Variants in ARHGAP6 observed in about 807,000 individuals in gnomAD.
The protein encoded by ARHGAP6 is rho GTPase-activating protein 6.
A neutral mutation model predicts 55.7 loss-of-function variants in ARHGAP6; 16 were observed. The ratio of observed to expected loss-of-function variants is 0.29; its 90% confidence interval spans 0.19 to 0.44. The LOEUF (loss-of-function observed/expected upper bound fraction) is 0.44. Ranked by LOEUF, ARHGAP6 falls within the 20% of genes least tolerant of loss-of-function variation. ARHGAP6 has a pLI of 1.00. For missense variants in ARHGAP6, 698 were observed against 808.9 expected (o/e 0.86, Z 1.66); for synonymous variants, 382 against 360.9 (o/e 1.06, Z -0.66).
chrX:11,243,641 AT>A (rs1312017707), intron 2 of ARHGAP6, among the ~76,000 whole-genome samples: 1 of 112,347 alleles, frequency 8.9e-6, no homozygotes. Flanking sequence ...CCTTGAAAAA[AT>A]ATTTGGTCAC....
intron 2 of ARHGAP6, among the ~76,000 whole-genome samples, chrX:11,202,799 C>CA (rs776633959): frequency 0.062 from 584 of 9,440 alleles, 144 homozygotes; most frequent in Middle Eastern, 0.18. Context: ...GACTCCGTCT[C>CA]AAAAAAAAAA....
chrX:11,559,929 A>AAATAATAATAATAATAATAATAAT (rs755756728), intron 1 of ARHGAP6, among the ~76,000 whole-genome samples: 71 of 96,150 alleles, frequency 7.4e-4, no homozygotes, highest in South Asian at 2.0e-3. Flanking sequence ...CTCGGTCTCA[A>AAATAATAATAATAATAATAATAAT]AATAATAATA....
chrX:11,151,474 G>A (rs145082524), intron 10 of ARHGAP6, among the ~76,000 whole-genome samples: 69 of 110,368 alleles, frequency 6.3e-4, no homozygotes, highest in Admixed American at 1.7e-3. Flanking sequence ...TTGCTGTGGT[G>A]ACCAGGCTGG....
At chrX:11,616,550 ACTGCTGACCTCAAGTGAT>A (rs1264663712) in intron 1 of ARHGAP6, among the ~76,000 whole-genome samples, 1 of 111,081 alleles carries the variant, frequency 9.0e-6, no homozygotes, top group Non-Finnish European at 1.9e-5. Context: ...CTAGTTTCAA[ACTGCTGACCTCAAGTGAT>A]CTGCCTACCT....
intron 1 of ARHGAP6, among the ~76,000 whole-genome samples, chrX:11,281,562 T>C (rs1167446067): frequency 1.8e-5 from 2 of 111,319 alleles, no homozygotes; most frequent in East Asian, 5.6e-4. Context: ...TTCTGGGCAG[T>C]CATGAAAAAA....
intron 1 of ARHGAP6, among the ~76,000 whole-genome samples, chrX:11,650,328 T>C (rs1283001443): frequency 8.9e-6 from 1 of 111,967 alleles, no homozygotes; most frequent in Non-Finnish European, 1.9e-5. Context: ...ATGAACTTTT[T>C]AAAAAATAAC....
At chrX:11,588,577 T>C (rs749878042) in intron 1 of ARHGAP6, among the ~76,000 whole-genome samples, 1 of 112,448 alleles carries the variant, frequency 8.9e-6, no homozygotes, top group African/African-American at 3.2e-5. Context: ...CAATAAATTA[T>C]TCAGCAACAA....
At chrX:11,649,689 A>C (rs2052565193) in intron 1 of ARHGAP6, among the ~76,000 whole-genome samples, 1 of 111,886 alleles carries the variant, frequency 8.9e-6, no homozygotes, top group Non-Finnish European at 1.9e-5. Flanking sequence ...AAGTTTTAAA[A>C]ACTTGTATTT....
intron 1 of ARHGAP6, chrX:11,334,221 C>A (rs895551645): frequency 3.6e-5 from 5 of 140,665 alleles, no homozygotes; most frequent in Non-Finnish European, 7.8e-5. Context: ...TTCCCTCACA[C>A]CAGGGACATT....
intron 3 of ARHGAP6, among the ~76,000 whole-genome samples, chrX:11,192,241 A>G (rs1306585680): frequency 8.9e-6 from 1 of 112,049 alleles, no homozygotes. Flanking sequence ...TTGATACTTC[A>G]TTCCTTCTTA....
intron 1 of ARHGAP6, among the ~76,000 whole-genome samples, chrX:11,328,736 T>C (rs764993902): frequency 8.9e-6 from 1 of 112,591 alleles, no homozygotes; most frequent in African/African-American, 3.2e-5. Context: ...TTGTTTGAGG[T>C]ATTTTATTTT....
At chrX:11,269,320 A>G (rs2047666413) in intron 1 of ARHGAP6, among the ~76,000 whole-genome samples, 1 of 111,791 alleles carries the variant, frequency 8.9e-6, no homozygotes, top group South Asian at 3.8e-4. Flanking sequence ...AGAGTAGTTG[A>G]TCAACTGGAT....
intron 1 of ARHGAP6, among the ~76,000 whole-genome samples, chrX:11,305,712 GAAT>G (rs2048231025): frequency 8.9e-6 from 1 of 111,949 alleles, no homozygotes; most frequent in Admixed American, 9.5e-5. Flanking sequence ...GGATCTGGCA[GAAT>G]AATGAGAAAT....
intron 2 of ARHGAP6, among the ~76,000 whole-genome samples, chrX:11,213,697 G>A (rs184357939): frequency 2.7e-5 from 3 of 112,103 alleles, no homozygotes; most frequent in Non-Finnish European, 1.9e-5. Context: ...ACGGAGCAAT[G>A]TGTACACAGG....
At chrX:11,264,101 T>C (rs769656997) in intron 1 of ARHGAP6, among the ~76,000 whole-genome samples, 3 of 110,626 alleles carry the variant, frequency 2.7e-5, no homozygotes, top group African/African-American at 9.9e-5. Flanking sequence ...ATGGAAAAAG[T>C]TTGCTGACCC....
Position 11,427,465 on chromosome X carries a change from C to A in ARHGAP6, c.589-172758G>T, listed in dbSNP as rs777258199. 3.3e-6 allele frequency: 3 copies of A among 902,453 alleles called. No individual in the cohort carries two copies. In the South Asian group the frequency reaches 7.4e-5, roughly 22 times the overall value. The allele number at this position is 902,453 out of a possible 1,213,427, so 74.4% of individuals were successfully genotyped here. A position where few individuals can be genotyped will look rare whatever the true frequency, so the allele number is the denominator to read the frequency against. On this transcript the variant is annotated intron_variant, in intron 1 of 12. Coordinates refer to ENST00000337414, the MANE Select transcript of ARHGAP6 (RefSeq NM_013427.3). ...TCAGCCGTGGACCTGTGGGGAGCCC[C>A]GACTACCATCGCCCCTCGCAGTCCC...
At chrX:11,596,068 C>T (rs932555556) in intron 1 of ARHGAP6, among the ~76,000 whole-genome samples, 1 of 112,121 alleles carries the variant, frequency 8.9e-6, no homozygotes, top group East Asian at 2.8e-4. Context: ...AATCCCATTA[C>T]AGGGTATGTA....
intron 1 of ARHGAP6, among the ~76,000 whole-genome samples, chrX:11,579,552 T>C (rs191773723): frequency 2.7e-4 from 30 of 112,412 alleles, no homozygotes; most frequent in African/African-American, 8.7e-4. Flanking sequence ...TAACTAACTC[T>C]ATCAATAAAC....
intron 1 of ARHGAP6, among the ~76,000 whole-genome samples, chrX:11,550,866 C>G (rs368796460): frequency 9.0e-6 from 1 of 111,634 alleles, no homozygotes; most frequent in Admixed American, 9.5e-5. Context: ...TAAGGGGGCC[C>G]AGTTTGTGTG....
Sources: gnomAD v4.1 joint callset for allele counts (sites outside exome capture counted in the v4.1 genomes callset) on GRCh38, gnomAD v4.1.1 for gene constraint, MANE v1.5 for transcripts, NCBI Gene and HGNC (gene_info 2026-07-23, HGNC 2026-07-21) for gene names.